The following FBXO4 variants were observed in gnomAD, a reference collection of about 807,000 sequenced individuals.
FBXO4 encodes the protein F-box protein 4, also known as F-box only protein 4.
In FBXO4, 36 loss-of-function variants were observed where a neutral mutation model predicts 43.7. The observed-to-expected ratio is 0.82, with a 90% CI of 0.63 to 1.09. The LOEUF (loss-of-function observed/expected upper bound fraction) is 1.09, where lower values mean the gene tolerates loss of function less well. FBXO4 is among the 50% of genes least tolerant of loss of function. The pLI is 0.00. For synonymous variants in FBXO4, 180 were observed against 165.6 expected, an observed-to-expected ratio of 1.09 and a Z score of -0.67; for missense variants, 435 against 474.1, an observed-to-expected ratio of 0.92 and a Z score of 0.77.
chr5:41,956,483 G>T, the FBXO4 span, among the ~76,000 whole-genome samples: 1 of 152,096 alleles, frequency 6.6e-6, no homozygotes, highest in East Asian at 1.9e-4. Context: ...TATAATGCAG[G>T]TCTGCTGGAG....
the FBXO4 span, among the ~76,000 whole-genome samples, chr5:42,006,931 CAT>C: frequency 2.1e-5 from 2 of 97,278 alleles, no homozygotes; most frequent in African/African-American, 4.7e-5. Context: ...TATACACACA[CAT>C]ACATACATAT....
At chr5:41,964,832 T>C in the FBXO4 span, among the ~76,000 whole-genome samples, 1 of 152,200 alleles carries the variant, frequency 6.6e-6, no homozygotes, top group Non-Finnish European at 1.5e-5. Flanking sequence ...ATTCTGTAGG[T>C]TGCCTGTGCA....
At chr5:41,969,417 G>A in the FBXO4 span, among the ~76,000 whole-genome samples, 1 of 152,070 alleles carries the variant, frequency 6.6e-6, no homozygotes, top group African/African-American at 2.4e-5. Context: ...CACCCTGGAG[G>A]TATCCCTATG....
At chr5:42,036,694 G>C in the FBXO4 span, among the ~76,000 whole-genome samples, 1 of 152,066 alleles carries the variant, frequency 6.6e-6, no homozygotes, top group Non-Finnish European at 1.5e-5. Flanking sequence ...ATTTCCAGAG[G>C]ATAAGTGGCG....
Position 41,927,001 on chromosome 5 carries a change from C to T in FBXO4, c.190-12C>T. 1 of 1,528,806 alleles carries T rather than the reference C, an allele frequency of 6.5e-7. No individual in the cohort carries two copies. Among genetic ancestry groups the T allele is most frequent in the Non-Finnish European group, 8.9e-7 (1 of 1,129,416 alleles). The allele number at this position is 1,528,806 out of a possible 1,614,324, so 94.7% of individuals were successfully genotyped here. On this transcript the variant is annotated splice_polypyrimidine_tract_variant and intron_variant, in intron 1 of 6. Transcript: ENST00000281623. ...ATTCCTTTTTCCTACCTGCTGCTTT[C>T]TTCTGTTTCAGATTGATGTACAGCT...
At chr5:41,968,328 C>G in the FBXO4 span, 1 of 154,872 alleles carries the variant, frequency 6.5e-6, no homozygotes, top group Non-Finnish European at 1.4e-5. Context: ...GCTGGATCAG[C>G]CGGCGACCAA....
At chr5:41,966,233 A>T in the FBXO4 span, among the ~76,000 whole-genome samples, 1 of 152,200 alleles carries the variant, frequency 6.6e-6, no homozygotes, top group Non-Finnish European at 1.5e-5. Flanking sequence ...CCAACATGGC[A>T]CATATATACA....
chr5:41,933,059 G>A (rs1751739785), intron 3 of FBXO4, among the ~76,000 whole-genome samples: 1 of 152,128 alleles, frequency 6.6e-6, no homozygotes, highest in Admixed American at 6.5e-5. Flanking sequence ...AACCTAAGAA[G>A]AATATATTAG....
At chr5:41,991,976 G>A in the FBXO4 span, among the ~76,000 whole-genome samples, 795 of 152,288 alleles carry the variant, frequency 5.2e-3, 9 homozygotes, top group African/African-American at 0.018. Context: ...TACTCGGGAG[G>A]CTGAGGCAGG....
At chr5:41,963,720 A>C in the FBXO4 span, 1 of 152,198 alleles carries the variant, frequency 6.6e-6, no homozygotes, top group Non-Finnish European at 1.5e-5. Context: ...CATATTGAGT[A>C]GGCTAAGGAG....
At chr5:41,974,773 TG>T in the FBXO4 span, among the ~76,000 whole-genome samples, 2 of 152,344 alleles carry the variant, frequency 1.3e-5, no homozygotes, top group African/African-American at 4.8e-5. Flanking sequence ...TTCTGGTGAT[TG>T]CTTTTTTGCT....
rs377573234 is a variant in FBXO4, at chr5:41,929,758, G to A, written c.487G>A (p.Ala163Thr). 6.8e-5 allele frequency: 110 copies of A among 1,613,998 alleles called. No homozygotes were observed. Among genetic ancestry groups the A allele is most frequent in the Non-Finnish European group, 9.2e-5 (109 of 1,180,016 alleles). ...ASKSSRPMYG[A>T]VTSFLHSLII... ...AAAATCCAGCCGTCCTATGTATGGA[G>A]CTGTCACTTCTTTTTTACACTCCCT... Residue 163 changes from alanine to threonine, a missense_variant, in exon 3 of 7, where the codon GCT becomes ACT. Ala to Thr is a moderately conservative substitution (Grantham distance 58). Transcript: ENST00000281623.
the FBXO4 span, among the ~76,000 whole-genome samples, chr5:42,031,001 C>A: frequency 6.6e-6 from 1 of 152,200 alleles, no homozygotes; most frequent in South Asian, 2.1e-4. Context: ...CACTTTTGCA[C>A]TGTTGGTGGG....
At chr5:41,925,588 T>C in intron 1 of FBXO4, 90 bp downstream of exon 1, 1 of 1,021,018 alleles carries the variant, frequency 9.8e-7, no homozygotes, top group South Asian at 3.6e-5. Context: ...TGGGGAACTC[T>C]CGCGCCCCGG....
chr5:42,032,721 C>A, the FBXO4 span, among the ~76,000 whole-genome samples: 8 of 151,670 alleles, frequency 5.3e-5, no homozygotes, highest in Admixed American at 6.5e-5. Flanking sequence ...TGGTGCTCTA[C>A]CCCCCCGTGG....
At chr5:42,002,764 A>G in the FBXO4 span, among the ~76,000 whole-genome samples, 2 of 152,326 alleles carry the variant, frequency 1.3e-5, no homozygotes, top group African/African-American at 4.8e-5. Flanking sequence ...GTGTACTCCA[A>G]TAAGTGCGTG....
the FBXO4 span, among the ~76,000 whole-genome samples, chr5:42,036,512 A>G: frequency 6.6e-6 from 1 of 152,130 alleles, no homozygotes; most frequent in Non-Finnish European, 1.5e-5. Context: ...AGATAAATGT[A>G]TTTACCTCTT....
At chr5:42,039,776 A>C in the FBXO4 span, among the ~76,000 whole-genome samples, 3 of 152,134 alleles carry the variant, frequency 2.0e-5, no homozygotes, top group Admixed American at 6.6e-5. Flanking sequence ...TGCCCAAATC[A>C]ATTTGACTTT....
chr5:41,960,707 C>A, the FBXO4 span, among the ~76,000 whole-genome samples: 5 of 151,928 alleles, frequency 3.3e-5, no homozygotes, highest in Non-Finnish European at 7.4e-5. Context: ...TTGCATTTTT[C>A]ATTTCATTCA....
Sources: allele counts gnomAD v4.1 joint callset (sites outside exome capture counted in the v4.1 genomes callset), GRCh38; gene constraint gnomAD v4.1.1; transcripts MANE v1.5; gene names NCBI Gene and HGNC (gene_info 2026-07-23, HGNC 2026-07-21).